The following TDRD6 variants were observed in gnomAD, a reference collection of about 807,000 sequenced individuals.
The protein encoded by TDRD6 is tudor domain containing 6, also known as tudor domain-containing protein 6.
A neutral mutation model predicts 157.5 loss-of-function variants in TDRD6; 186 were observed. That is an observed-to-expected ratio of 1.18 (90% CI 1.05 to 1.33). TDRD6 has a LOEUF of 1.33. Among genes scored for constraint, TDRD6 ranks in the 40% most tolerant of loss-of-function variants. The probability of loss-of-function intolerance (pLI) is 0.00; values close to 1 mark genes in which losing one functional copy is unlikely to be tolerated. For missense variants in TDRD6, 3,066 were observed against 2,508.0 expected (o/e 1.22, Z -4.75); for synonymous variants, 1,075 against 945.2 (o/e 1.14, Z -2.52).
At chr6:46,686,439 A>G (rs536842061), upstream of TDRD6, among the ~76,000 whole-genome samples, 64 of 152,000 alleles carry the variant, frequency 4.2e-4, no homozygotes, top group South Asian at 2.5e-3. Context: ...TACTGTGGCA[A>G]ACAGAGAGCT....
Position 46,691,934 on chromosome 6 carries a change from C to T in TDRD6, c.3806C>T (p.Thr1269Ile), listed in dbSNP as rs145681001. The change falls in exon 1 of 4, where the codon ACA becomes ATA. Residue 1269 changes from threonine to isoleucine, a missense_variant. Physicochemically the swap from Thr to Ile is moderately conservative, Grantham distance 89. Transcript: ENST00000316081. ...ATTTCTGCTGAGACACCCTTGAAAA[C>T]AGCAAGAGTAGAAGCTACTCTTTCA... Reference protein sequence around the residue: ...EEISAETPLKTARVEATLSER... With the variant: ...EEISAETPLKIARVEATLSER... 6.2e-7 allele frequency: 1 copy of T among 1,605,954 alleles called. No individual in the cohort carries two copies. Among genetic ancestry groups the T allele is most frequent in the Non-Finnish European group, 8.5e-7 (1 of 1,178,118 alleles).
In TDRD6 at chr6:46,690,122, A is replaced by G; in HGVS notation, c.1994A>G (p.Tyr665Cys). ...AGTAAGGTAATTGCCCAAGCTGGAT[A>G]TGCCAAGTATCAGGAATTTGAAACA... ...NISKVIAQAG[Y>C]AKYQEFETKE... The change falls in exon 1 of 4, where the codon TAT becomes TGT. Residue 665 changes from tyrosine (Y) to cysteine (C), a missense_variant. Transcript: ENST00000316081. 6.2e-7 allele frequency: 1 copy of G among 1,613,672 alleles called. No homozygotes were observed. The highest frequency in any genetic ancestry group is 8.5e-7 in the Non-Finnish European group (1 of 1,179,886).
upstream of TDRD6, among the ~76,000 whole-genome samples, chr6:46,686,976 G>A (rs934717847): frequency 6.6e-6 from 1 of 152,212 alleles, no homozygotes; most frequent in African/African-American, 2.4e-5. Context: ...TGTATGTAAT[G>A]ACATTTCGAA....
At position 46,694,157 on chromosome 6, in the gene TDRD6, T is replaced by G. The variant is rs1474366531; in HGVS notation, c.6029T>G (p.Leu2010Ter). 6.4e-7 allele frequency: 1 copy of G among 1,551,732 alleles called. No individual in the cohort carries two copies. The highest frequency in any genetic ancestry group is 8.7e-7 in the Non-Finnish European group (1 of 1,154,642). ...SSDGSKHNNG[L>*]PDHISAQLQN... ...GATGGAAGCAAGCACAATAATGGTT[T>G]ACCAGATCATATCTCAGGTATGTGA... The change falls in exon 1 of 4, where the codon TTA becomes TGA. Residue 2010 changes from leucine to a stop codon, truncating the protein, a stop_gained. Coordinates refer to ENST00000316081, the MANE Select transcript of TDRD6 (RefSeq NM_001010870.3). LOFTEE classifies it high-confidence loss of function.
chr6:46,694,193 CTTTTTACTT>C lies in TDRD6; in HGVS notation c.6046+25_6046+33del, dbSNP rs761307683. The C allele has an allele frequency of 4.9e-6, 7 of 1,435,602 alleles. No homozygotes were observed. In the South Asian group the frequency reaches 9.0e-5, roughly 18 times the overall value. The allele number at this position is 1,435,602 out of a possible 1,614,324, so 88.9% of individuals were successfully genotyped here. A position where few individuals can be genotyped will look rare whatever the true frequency, so the allele number is the denominator to read the frequency against. On this transcript the variant is annotated intron_variant, in intron 1 of 3. Transcript: ENST00000316081. Reference sequence around the variant, plus strand: ...ATCTCAGGTATGTGAATTTTTTTTCCTTTTTACTTTTTTTTTTTTTTTTTTTTGAGACAG... The same window carrying C: ...ATCTCAGGTATGTGAATTTTTTTTCCTTTTTTTTTTTTTTTTTTGAGACAG...
Position 46,692,007 on chromosome 6 carries a change from T to G in TDRD6, c.3879T>G (p.Phe1293Leu). The G allele has an allele frequency of 6.2e-7, 1 of 1,613,944 alleles. No individual in the cohort carries two copies. Among genetic ancestry groups the G allele is most frequent in the Non-Finnish European group, 8.5e-7 (1 of 1,179,948 alleles). Residue 1293 changes from phenylalanine (F) to leucine (L), a missense_variant, in exon 1 of 4, where the codon TTT (phenylalanine) becomes TTG (leucine). Phe to Leu is a conservative substitution (Grantham distance 22). Transcript: ENST00000316081. ...DSCDKDLPLK[F>L]CEFPQKTIMP... ...GTGACAAAGATTTGCCTCTGAAATTTTGTGAGTTCCCACAGAAGACTATAA... is the reference window on the plus strand; with the variant it reads ...GTGACAAAGATTTGCCTCTGAAATTGTGTGAGTTCCCACAGAAGACTATAA...
chr6:46,689,338 G>A lies in TDRD6; in HGVS notation c.1210G>A (p.Ala404Thr). Reference sequence around the variant, plus strand: ...CCTGAAGACACTGATACTAGGCAAGGCAGTGAATGCAAAGATTGAATTTTA... The same window carrying A: ...CCTGAAGACACTGATACTAGGCAAGACAGTGAATGCAAAGATTGAATTTTA... ...GDLKTLILGK[A>T]VNAKIEFYCS... is the part of the protein sequence containing the mutation. Residue 404 changes from alanine (A) to threonine (T), a missense_variant, in exon 1 of 4, where the codon GCA (alanine) becomes ACA (threonine). Ala to Thr is a moderately conservative substitution (Grantham distance 58). Coordinates refer to ENST00000316081, the MANE Select transcript of TDRD6 (RefSeq NM_001010870.3). 2 of 1,614,162 alleles carry A rather than the reference G, an allele frequency of 1.2e-6. No homozygotes were observed. The highest frequency in any genetic ancestry group is 1.7e-5 in the Admixed American group (1 of 60,024).
At position 46,696,702 on chromosome 6, in the gene TDRD6, C is replaced by A. The variant is rs535175041; in HGVS notation, c.6171+757C>A. Among the ~76,000 whole-genome samples the A allele has an allele frequency of 9.1e-5, 13 of 142,586 alleles. No homozygotes were observed. The South Asian group carries it at 2.6e-3, about 28-fold the overall frequency. 93.5% of individuals were successfully genotyped at this position (142,586 alleles called of 152,430 possible). The stretch of plus-strand genomic sequence containing the variant: ...TCTTGGCTCACTGCAAGCTCTGCCT[C>A]CCAGGTTCACACCATTCTCCTGCCT... On this transcript the variant is annotated intron_variant, in intron 2 of 3. Coordinates refer to ENST00000316081, the MANE Select transcript of TDRD6 (RefSeq NM_001010870.3).
At chr6:46,686,264 T>G (rs190493464), upstream of TDRD6, among the ~76,000 whole-genome samples, 34 of 152,304 alleles carry the variant, frequency 2.2e-4, 1 homozygote, top group Admixed American at 2.2e-3. Context: ...CAATTTCAAG[T>G]GATCATAAGA....
Position 46,703,591 on chromosome 6 carries a change from AT to A in TDRD6, c.*1705del, listed in dbSNP as rs939319530. Reference sequence around the variant, plus strand: ...AGGACTAGGGTACCAAATGAGTGGTATAAATTTTTATGTCCCCTGGGAAATA... The same window carrying A: ...AGGACTAGGGTACCAAATGAGTGGTAAAATTTTTATGTCCCCTGGGAAATA... On this transcript the variant is annotated 3_prime_UTR_variant, in exon 4 of 4. Transcript: ENST00000316081. 2.0e-4 allele frequency: 31 copies of A among 152,122 alleles called. No individual in the cohort carries two copies. Among genetic ancestry groups the A allele is most frequent in the African/African-American group, 6.3e-4 (26 of 41,458 alleles). 9.4% of individuals were successfully genotyped at this position (152,122 alleles called of 1,614,324 possible).
rs1443571313 is a variant in TDRD6, at chr6:46,690,762, G to C, written c.2634G>C (p.Gln878His). Residue 878 changes from glutamine to histidine, a missense_variant, in exon 1 of 4, where the codon CAG becomes CAC. Coordinates refer to ENST00000316081, the MANE Select transcript of TDRD6 (RefSeq NM_001010870.3). ...AAGAATTTCTGAAGGTTAAGGCACA[G>C]GCTTTTAGGTGCAGTCTTTATAATT... ...ISEEFLKVKAQAFRCSLYNLI... is the reference protein window; with the variant it reads ...ISEEFLKVKAHAFRCSLYNLI... The C allele has an allele frequency of 6.2e-7, 1 of 1,614,034 alleles. No individual in the cohort carries two copies. Among genetic ancestry groups the C allele is most frequent in the African/African-American group, 1.3e-5 (1 of 74,936 alleles).
At position 46,690,383 on chromosome 6, in the gene TDRD6, T is replaced by G. The variant is rs764722797; in HGVS notation, c.2255T>G (p.Met752Arg). The G allele has an allele frequency of 6.2e-7, 1 of 1,613,922 alleles. No individual in the cohort carries two copies. Among genetic ancestry groups the G allele is most frequent in the Non-Finnish European group, 8.5e-7 (1 of 1,180,028 alleles). The change falls in exon 1 of 4, where the codon ATG becomes AGG. Residue 752 changes from methionine (M) to arginine (R), a missense_variant. Met to Arg is a moderately conservative substitution (Grantham distance 91, BLOSUM62 -1). Coordinates refer to ENST00000316081, the MANE Select transcript of TDRD6 (RefSeq NM_001010870.3). ...AGAGCATCTGTTTATTTTCCTCTTA[T>G]GCAGAATTGCTTGGAAATTAAGCCA... ...VKRASVYFPLMQNCLEIKPGS... is the reference protein window; with the variant it reads ...VKRASVYFPLRQNCLEIKPGS...
At chr6:46,700,132 G>A (rs1254991196) in intron 3 of TDRD6, among the ~76,000 whole-genome samples, 1 of 152,246 alleles carries the variant, frequency 6.6e-6, no homozygotes, top group East Asian at 1.9e-4. Flanking sequence ...ACAGCCAAAT[G>A]CATACATATG....
the TDRD6 span, among the ~76,000 whole-genome samples, chr6:46,680,679 C>G: frequency 6.6e-6 from 1 of 152,116 alleles, no homozygotes; most frequent in Non-Finnish European, 1.5e-5. Flanking sequence ...ATCCAAGACC[C>G]TCTCAACCTG....
In TDRD6 at chr6:46,688,314, G is replaced by A; in HGVS notation, c.186G>A (p.Leu62=). 6.6e-7 allele frequency: 1 copy of A among 1,519,054 alleles called. No homozygotes were observed. The highest frequency in any genetic ancestry group is 1.2e-5 in the South Asian group (1 of 81,836). The allele number at this position is 1,519,054 out of a possible 1,614,324, so 94.1% of individuals were successfully genotyped here. A position where few individuals can be genotyped will look rare whatever the true frequency, so the allele number is the denominator to read the frequency against. ...EAAATRGQWA[L]GSASASPGEL... is the part of the protein sequence containing the mutation. ...CGGCCACGCGCGGCCAGTGGGCGCT[G>A]GGCAGCGCCTCGGCCTCGCCCGGCG... Residue 62 remains leucine, a synonymous_variant, in exon 1 of 4, where the codon CTG becomes CTA. Transcript: ENST00000316081.
chr6:46,689,819 G>C lies in TDRD6; in HGVS notation c.1691G>C (p.Ser564Thr). The part of the protein sequence containing the change: ...RAIVTKLDDK[S>T]VDVFLVDRGN... ...ATAGTCACCAAATTGGATGACAAGA[G>C]TGTGGATGTATTCTTAGTTGACCGA... Residue 564 changes from serine (S) to threonine (T), a missense_variant, in exon 1 of 4, where the codon AGT becomes ACT. Transcript: ENST00000316081. 5 of 1,614,194 alleles carry C rather than the reference G, an allele frequency of 3.1e-6. No individual in the cohort carries two copies. Among genetic ancestry groups the C allele is most frequent in the Non-Finnish European group, 4.2e-6 (5 of 1,180,040 alleles).
chr6:46,691,220 C>T lies in TDRD6; in HGVS notation c.3092C>T (p.Thr1031Ile), dbSNP rs773593722. The change falls in exon 1 of 4, where the codon ACA (threonine) becomes ATA (isoleucine). Residue 1031 changes from threonine (T) to isoleucine (I), a missense_variant. Thr to Ile is a moderately conservative substitution (Grantham distance 89). Coordinates refer to ENST00000316081, the MANE Select transcript of TDRD6 (RefSeq NM_001010870.3). ...AGTAAAGTTTTGCTGAATTTAAAAA[C>T]ATCTCCCTTGAACCCTGGAACCTTG... The part of the protein sequence containing the change: ...QLSKVLLNLK[T>I]SPLNPGTLCL... 1 of 1,613,560 alleles carries T rather than the reference C, an allele frequency of 6.2e-7. No homozygotes were observed. Among genetic ancestry groups the T allele is most frequent in the South Asian group, 1.1e-5 (1 of 91,028 alleles).
Position 46,689,078 on chromosome 6 carries a change from G to T in TDRD6, c.950G>T (p.Cys317Phe). 6.2e-7 allele frequency: 1 copy of T among 1,614,182 alleles called. No homozygotes were observed. Among genetic ancestry groups the T allele is most frequent in the Non-Finnish European group, 8.5e-7 (1 of 1,180,042 alleles). Residue 317 changes from cysteine to phenylalanine, a missense_variant, in exon 1 of 4, where the codon TGT becomes TTT. Physicochemically the swap from Cys to Phe is radical, Grantham distance 205 (BLOSUM62 -2). Coordinates refer to ENST00000316081, the MANE Select transcript of TDRD6 (RefSeq NM_001010870.3). ...AGCCCAGATAAGCCGGGCTCTCCGT[G>T]TGCATCCTGTGGCCTGGATGGACAT... is the stretch of plus-strand genomic sequence containing the variant. ...EESPDKPGSP[C>F]ASCGLDGHWY...
At chr6:46,681,906 G>C in the TDRD6 span, among the ~76,000 whole-genome samples, 1 of 152,000 alleles carries the variant, frequency 6.6e-6, no homozygotes, top group Admixed American at 6.5e-5. Context: ...TAGTGGGGAG[G>C]GAATGAGGAG....
Sources: allele counts gnomAD v4.1 joint callset (sites outside exome capture counted in the v4.1 genomes callset), GRCh38; gene constraint gnomAD v4.1.1; transcripts MANE v1.5; gene names NCBI Gene and HGNC (gene_info 2026-07-23, HGNC 2026-07-21).